Variants in OLFM1 observed in about 807,000 individuals in gnomAD.
The protein encoded by OLFM1 is noelin.
A neutral mutation model predicts 49.7 loss-of-function variants in OLFM1; 9 were observed. The observed-to-expected ratio is 0.18, with a 90% CI of 0.11 to 0.32. The LOEUF (loss-of-function observed/expected upper bound fraction) is 0.32. OLFM1 is among the 10% of genes least tolerant of loss of function. The pLI is 1.00. For synonymous variants in OLFM1, 240 were observed against 271.8 expected (o/e 0.88, Z 1.15); for missense variants, 369 against 661.8 (o/e 0.56, Z 4.85).
Position 135,119,707 on chromosome 9 carries a change from C to T in OLFM1, c.987C>T (p.Thr329=), listed in dbSNP as rs1418108913. 5 of 1,614,032 alleles carry T rather than the reference C, an allele frequency of 3.1e-6. No homozygotes were observed. The highest frequency in any genetic ancestry group is 1.7e-5 in the Admixed American group (1 of 60,010). Residue 329 remains threonine, a synonymous_variant, in exon 6 of 6, where the codon ACC becomes ACT. Coordinates refer to ENST00000371793, the MANE Select transcript of OLFM1 (RefSeq NM_001282611.2). ...IIIRFDLKTE[T]ILKTRSLDYA... ...TCAGGTTTGACCTGAAGACAGAGAC[C>T]ATCCTCAAGACCCGCAGCCTGGACT... is the stretch of plus-strand genomic sequence containing the variant.
At chr9:135,100,623 A>G (rs1049212245) in intron 4 of OLFM1, among the ~76,000 whole-genome samples, 1 of 152,214 alleles carries the variant, frequency 6.6e-6, no homozygotes, top group African/African-American at 2.4e-5. Context: ...ACACACAGCA[A>G]ACTGAGCTCC....
At chr9:135,093,784 G>A (rs1175318161) in intron 2 of OLFM1, among the ~76,000 whole-genome samples, 1 of 152,236 alleles carries the variant, frequency 6.6e-6, no homozygotes, top group Non-Finnish European at 1.5e-5. Flanking sequence ...ATGGGTGCGT[G>A]ATTGCAGTCC....
chr9:135,096,087 C>G, intron 3 of OLFM1, 68 bp downstream of exon 3: 1 of 1,446,640 alleles, frequency 6.9e-7, no homozygotes, highest in Non-Finnish European at 9.4e-7. Context: ...TCCTTCCCCT[C>G]CCTCCTCTCC....
chr9:135,081,182 C>T (rs62573399), intron 1 of OLFM1, among the ~76,000 whole-genome samples: 14,904 of 152,076 alleles, frequency 0.098, 851 homozygotes, highest in African/African-American at 0.14. Flanking sequence ...GGTTAAGCAG[C>T]CTGCCCATCC....
At chr9:135,089,263 T>A (rs2119100323) in intron 1 of OLFM1, among the ~76,000 whole-genome samples, 1 of 152,318 alleles carries the variant, frequency 6.6e-6, no homozygotes, top group Non-Finnish European at 1.5e-5. Flanking sequence ...ATATGACTAC[T>A]ATAGATTCTA....
Position 135,106,812 on chromosome 9 carries a change from G to C in OLFM1, c.740G>C (p.Gly247Ala). Residue 247 changes from glycine (G) to alanine (A), a missense_variant, in exon 5 of 6, where the codon GGA becomes GCA. Around this residue, in one of 3 missense-constraint regions of OLFM1, gnomAD observed 294 missense variants for 567.5 expected, o/e 0.52. Transcript: ENST00000371793. ...GTCAAGACCTCCGGCTCGAGGTTCG[G>C]ATCCTGGATGACAGACCCTCTCGCC... ...VTVKTSGSRFGSWMTDPLAPE... is the reference protein window; with the variant it reads ...VTVKTSGSRFASWMTDPLAPE... 6.2e-7 allele frequency: 1 copy of C among 1,613,236 alleles called. No individual in the cohort carries two copies. Among genetic ancestry groups the C allele is most frequent in the Non-Finnish European group, 8.5e-7 (1 of 1,179,718 alleles).
In OLFM1 at chr9:135,114,123, CTTTTTTT is replaced by C. The variant is rs138372395; in HGVS notation, c.784-5360_784-5354del. Among the ~76,000 whole-genome samples, 223 of 75,846 alleles carry C rather than the reference CTTTTTTT, an allele frequency of 2.9e-3. 1 individual carries two copies. Among genetic ancestry groups the C allele is most frequent in the African/African-American group, 0.011 (211 of 19,624 alleles). The allele number at this position is 75,846 out of a possible 152,430, so 49.8% of individuals were successfully genotyped here. On this transcript the variant is annotated intron_variant, in intron 5 of 5. Transcript: ENST00000371793. ...TCCAGGACCAGCTCATCTTGAGATTCTTTTTTTTTTTTTTTTTTTTTTTTTTTGAGAC... is the reference window on the plus strand; with the variant it reads ...TCCAGGACCAGCTCATCTTGAGATTCTTTTTTTTTTTTTTTTTTTTGAGAC...
rs1176412926 is a variant in OLFM1 at position 135,088,402 on chromosome 9, G to A, written c.150+263G>A. On this transcript the variant is annotated intron_variant, in intron 1 of 5. Coordinates refer to ENST00000371793, the MANE Select transcript of OLFM1 (RefSeq NM_001282611.2). This position sits in a 1 kb window ranked among gnomAD's most constrained non-coding sequence, Gnocchi z 4.8. ...TTCCTTCGTCTGGGCCCCTCGCCGC[G>A]GGGCCGGGGGAGCTTGGTGGGTTCT... Among the ~76,000 whole-genome samples, 1 of 151,792 alleles carries A rather than the reference G, an allele frequency of 6.6e-6. No homozygotes were observed. The highest frequency in any genetic ancestry group is 1.5e-5 in the Non-Finnish European group (1 of 67,926).
rs367693999 is a variant in OLFM1 at position 135,090,354 on chromosome 9, C to T, written c.300+10C>T. ...GCAGCTACTGGAGAAGGTGAGTCTG[C>T]GCAGAGTGTGTGAGTTTGTATGTGT... On this transcript the variant is annotated intron_variant, in intron 2 of 5. Coordinates refer to ENST00000371793, the MANE Select transcript of OLFM1 (RefSeq NM_001282611.2). The T allele has an allele frequency of 7.5e-6, 12 of 1,607,870 alleles. No homozygotes were observed. The highest frequency in any genetic ancestry group is 4.1e-5 in the African/African-American group (3 of 72,780).
At chr9:135,087,350 G>A (rs1830611136), upstream of OLFM1, 4 of 1,544,146 alleles carry the variant, frequency 2.6e-6, no homozygotes, top group Admixed American at 2.0e-5. Flanking sequence ...TGCGGGGATC[G>A]GAGAGGGATG....
At chr9:135,095,118 C>T (rs1830769309) in intron 2 of OLFM1, 1 of 152,170 alleles carries the variant, frequency 6.6e-6, no homozygotes, top group South Asian at 2.1e-4. Context: ...TATTAAAGTT[C>T]CATCTTGAGG....
At chr9:135,119,301 G>A (rs796859664) in intron 5 of OLFM1, among the ~76,000 whole-genome samples, 167 of 121,356 alleles carry the variant, frequency 1.4e-3, no homozygotes, top group African/African-American at 2.6e-3. Flanking sequence ...TACTCACTGG[G>A]TCTTTGGAGT....
At chr9:135,118,643 A>AG (rs1564282333) in intron 5 of OLFM1, among the ~76,000 whole-genome samples, 1 of 118,662 alleles carries the variant, frequency 8.4e-6, no homozygotes, top group African/African-American at 3.4e-5. Flanking sequence ...GGTCTTTGGA[A>AG]TGCTCACTGG....
In OLFM1 at chr9:135,090,272, A is replaced by G. The variant is rs1355116583; in HGVS notation, c.228A>G (p.Thr76=). 1.2e-6 allele frequency: 2 copies of G among 1,614,098 alleles called. No individual in the cohort carries two copies. Among genetic ancestry groups the G allele is most frequent in the South Asian group, 1.1e-5 (1 of 91,072 alleles). Residue 76 remains threonine (T), a synonymous_variant, in exon 2 of 6, where the codon ACA becomes ACG. Transcript: ENST00000371793. ...AQDSEGRCIC[T]VVAPQQTMCS... ...ACAGCGAGGGCAGGTGTATCTGCAC[A>G]GTGGTCGCTCCACAGCAGACCATGT...
Position 135,098,600 on chromosome 9 carries a change from C to T in OLFM1, c.676+95C>T. ...TGGTGCTGAAGTGGACAGCGCCCGC[C>T]TGGCTTCGCGAGGTGATGGCTGGAT... On this transcript the variant is annotated intron_variant, in intron 4 of 5. Coordinates refer to ENST00000371793, the MANE Select transcript of OLFM1 (RefSeq NM_001282611.2). This position sits in a 1 kb window ranked among gnomAD's most constrained non-coding sequence, Gnocchi z 5.6. 1 of 1,175,608 alleles carries T rather than the reference C, an allele frequency of 8.5e-7. No homozygotes were observed. Among genetic ancestry groups the T allele is most frequent in the Non-Finnish European group, 1.2e-6 (1 of 813,728 alleles). 72.8% of individuals were successfully genotyped at this position (1,175,608 alleles called of 1,614,324 possible).
chr9:135,088,091 C>A lies in OLFM1; in HGVS notation c.102C>A (p.Thr34=). The stretch of plus-strand genomic sequence containing the variant: ...TGCCCTCGCTGGTGGGCCTCAACAC[C>A]ACCAAGCTCTCGGCGGCCGGCGGCG... ...QTLPSLVGLN[T]TKLSAAGGGT... is the part of the protein sequence containing the mutation. Residue 34 remains threonine, a synonymous_variant, in exon 1 of 6, where the codon ACC becomes ACA. Transcript: ENST00000371793. The surrounding 1 kb of genome is among the most constrained non-coding windows in gnomAD (Gnocchi z 4.8). 7.0e-7 allele frequency: 1 copy of A among 1,428,466 alleles called. No homozygotes were observed. Among genetic ancestry groups the A allele is most frequent in the South Asian group, 1.4e-5 (1 of 70,146 alleles). The allele number at this position is 1,428,466 out of a possible 1,614,324, so 88.5% of individuals were successfully genotyped here.
intron 5 of OLFM1, among the ~76,000 whole-genome samples, chr9:135,118,895 G>C (rs1831141926): frequency 6.6e-6 from 1 of 151,064 alleles, no homozygotes; most frequent in Non-Finnish European, 1.5e-5. Context: ...TGCTTACTGG[G>C]TCTTTGGAGT....
chr9:135,086,104 C>T (rs546706412), upstream of OLFM1, among the ~76,000 whole-genome samples: 1 of 152,308 alleles, frequency 6.6e-6, no homozygotes, highest in African/African-American at 2.4e-5. Context: ...TGGACAGACA[C>T]GGCTTGTGGC....
chr9:135,076,683 C>T, intron 1 of OLFM1: 1 of 1,352,146 alleles, frequency 7.4e-7, no homozygotes, highest in Non-Finnish European at 9.8e-7. Context: ...CTGTGCCACG[C>T]TCTGAACTGG....
Sources: gnomAD v4.1 joint callset for allele counts (sites outside exome capture counted in the v4.1 genomes callset) on GRCh38, gnomAD v4.1.1 for gene constraint, gnomAD v4.1.1 regional missense constraint, Gnocchi (gnomAD v3.1) non-coding constraint, MANE v1.5 for transcripts, NCBI Gene and HGNC (gene_info 2026-07-23, HGNC 2026-07-21) for gene names.